TLE3: variants seen among roughly 807,000 people sequenced by gnomAD.
TLE3 encodes transducin-like enhancer protein 3.
Under a neutral mutation model 93.0 loss-of-function variants are expected in TLE3, and 14 were observed. That is an observed-to-expected ratio of 0.15 (90% CI 0.10 to 0.24). The LOEUF (loss-of-function observed/expected upper bound fraction) is 0.24. Ranked by LOEUF, TLE3 falls within the 10% of genes least tolerant of loss-of-function variation. The probability of loss-of-function intolerance (pLI) is 1.00; values close to 1 mark genes in which losing one functional copy is unlikely to be tolerated. For synonymous variants in TLE3, 451 were observed against 425.0 expected, an observed-to-expected ratio of 1.06 and a Z score of -0.75; for missense variants, 693 against 1,046.6, an observed-to-expected ratio of 0.66 and a Z score of 4.66.
At chr15:70,084,846 T>C (rs1185838152) in intron 4 of TLE3, among the ~76,000 whole-genome samples, 1 of 152,224 alleles carries the variant, frequency 6.6e-6, no homozygotes, top group Non-Finnish European at 1.5e-5. Context: ...CCTTGACAAT[T>C]TGGGGACTCT....
intron 4 of TLE3, among the ~76,000 whole-genome samples, chr15:70,089,767 A>G (rs1222483913): frequency 6.6e-6 from 1 of 152,232 alleles, no homozygotes; most frequent in Non-Finnish European, 1.5e-5. Context: ...TGTACAAACA[A>G]TGAGACAGAA....
At chr15:70,088,295 C>A (rs898601477) in intron 4 of TLE3, among the ~76,000 whole-genome samples, 3 of 152,222 alleles carry the variant, frequency 2.0e-5, no homozygotes, top group African/African-American at 7.2e-5. Flanking sequence ...CTGCAAAGGA[C>A]GATGCTTCAA....
chr15:70,060,479 C>A (rs1226905059), intron 9 of TLE3, 51 bp downstream of exon 9: 3 of 1,608,306 alleles, frequency 1.9e-6, no homozygotes, highest in African/African-American at 2.7e-5. Context: ...GCAGACACCC[C>A]CTGCCCTACC....
At position 70,094,047 on chromosome 15, in the gene TLE3, C is replaced by T. The variant is rs992040012; in HGVS notation, c.234+485G>A. Among the ~76,000 whole-genome samples, 8 of 151,892 alleles carry T rather than the reference C, an allele frequency of 5.3e-5. No homozygotes were observed. In the East Asian group the frequency reaches 7.7e-4, roughly 15 times the overall value. ...CATATTTTTAAGCAGTTAGTGGCTT[C>T]GTTCCCTTAAATTTCGACAGCTCAG... On this transcript the variant is annotated intron_variant, in intron 4 of 19. Coordinates refer to ENST00000451782, the MANE Select transcript of TLE3 (RefSeq NM_001105192.3).
Position 70,058,099 on chromosome 15 carries a change from A to G in TLE3, c.1051+60T>C. On this transcript the variant is annotated intron_variant, in intron 12 of 19. Transcript: ENST00000451782. The surrounding 1 kb of genome is among the most constrained non-coding windows in gnomAD (Gnocchi z 4.1). ...CGTGTGTGTCACCCCTGCCCTGGCC[A>G]AGAGCAGACCCCCTCCCCCCAATCA... is the stretch of plus-strand genomic sequence containing the variant. The G allele has an allele frequency of 6.2e-7, 1 of 1,611,474 alleles. No homozygotes were observed. Among genetic ancestry groups the G allele is most frequent in the South Asian group, 1.1e-5 (1 of 90,670 alleles).
Position 70,058,015 on chromosome 15 carries a change from C to G in TLE3, c.1051+144G>C. On this transcript the variant is annotated intron_variant, in intron 12 of 19. Coordinates refer to ENST00000451782, the MANE Select transcript of TLE3 (RefSeq NM_001105192.3). This position sits in a 1 kb window ranked among gnomAD's most constrained non-coding sequence, Gnocchi z 4.1. Reference sequence around the variant, plus strand: ...AAACCCTGGTGTCACCTCCTCAAATCTGACCGTGAAGTCCCCAGGGGCAGG... The same window carrying G: ...AAACCCTGGTGTCACCTCCTCAAATGTGACCGTGAAGTCCCCAGGGGCAGG... The G allele has an allele frequency of 7.5e-7, 1 of 1,336,744 alleles. No homozygotes were observed. The highest frequency in any genetic ancestry group is 1.0e-6 in the Non-Finnish European group (1 of 984,480). 82.8% of individuals were successfully genotyped at this position (1,336,744 alleles called of 1,614,324 possible). A position where few individuals can be genotyped will look rare whatever the true frequency, so the allele number is the denominator to read the frequency against.
chr15:70,049,165 ATAAC>A lies in TLE3; in HGVS notation c.*928_*931del, dbSNP rs769641089. The A allele has an allele frequency of 6.6e-6, 1 of 152,262 alleles. No individual in the cohort carries two copies. The highest frequency in any genetic ancestry group is 1.5e-5 in the Non-Finnish European group (1 of 68,064). 9.4% of individuals were successfully genotyped at this position (152,262 alleles called of 1,614,324 possible). On this transcript the variant is annotated 3_prime_UTR_variant, in exon 20 of 20. Coordinates refer to ENST00000451782, the MANE Select transcript of TLE3 (RefSeq NM_001105192.3). ...CTTTGAACTTCCATTGCTCACAACA[ATAAC>A]TAAGTGTGCACCAAAGAGAAAGACC...
rs1406611048 is a variant in TLE3, at chr15:70,074,595, C to T, written c.310G>A (p.Val104Met). Residue 104 changes from valine to methionine, a missense_variant, in exon 6 of 20, where the codon GTG becomes ATG. Coordinates refer to ENST00000451782, the MANE Select transcript of TLE3 (RefSeq NM_001105192.3). ...TTGGCGCGCTCCACTGCCTGCGCCACCTGCTGCTGGTGCTGGAGGGAAGAG... is the reference window on the plus strand; with the variant it reads ...TTGGCGCGCTCCACTGCCTGCGCCATCTGCTGCTGGTGCTGGAGGGAAGAG... ...PFLSQEHQQQVAQAVERAKQV... is the reference protein window; with the variant it reads ...PFLSQEHQQQMAQAVERAKQV... The T allele has an allele frequency of 6.2e-7, 1 of 1,611,144 alleles. No homozygotes were observed. The highest frequency in any genetic ancestry group is 1.1e-5 in the South Asian group (1 of 90,542).
chr15:70,065,039 C>G (rs924348316), intron 7 of TLE3, among the ~76,000 whole-genome samples: 5 of 152,216 alleles, frequency 3.3e-5, no homozygotes, highest in Admixed American at 2.6e-4. Flanking sequence ...GCACTAGCTC[C>G]CCAGTTCTCC....
intron 4 of TLE3, among the ~76,000 whole-genome samples, chr15:70,082,915 C>A (rs553992977): frequency 4.6e-5 from 7 of 152,290 alleles, no homozygotes; most frequent in Non-Finnish European, 1.0e-4. Context: ...GCACACTTCC[C>A]TGAAAGGAAT....
At position 70,096,272 on chromosome 15, in the gene TLE3, C is replaced by G; in HGVS notation, c.25-11G>C. ...GGGTTGATGGGGAGCCTGGAGCCCGCGAAGACAAGACAGGGGAGGGGGCGG... is the reference window on the plus strand; with the variant it reads ...GGGTTGATGGGGAGCCTGGAGCCCGGGAAGACAAGACAGGGGAGGGGGCGG... On this transcript the variant is annotated splice_polypyrimidine_tract_variant and intron_variant, in intron 1 of 19. Transcript: ENST00000451782. 2 of 1,551,348 alleles carry G rather than the reference C, an allele frequency of 1.3e-6. No individual in the cohort carries two copies. The highest frequency in any genetic ancestry group is 8.7e-7 in the Non-Finnish European group (1 of 1,147,362).
chr15:70,084,291 T>C lies in TLE3; in HGVS notation c.235-8133A>G, dbSNP rs551331113. ...GGGATTCTGGCAATGTCTAGAGACA[T>C]TTTTGGATGTTACAACTTGGGCACT... On this transcript the variant is annotated intron_variant, in intron 4 of 19. Transcript: ENST00000451782. Among the ~76,000 whole-genome samples the C allele has an allele frequency of 2.6e-5, 4 of 152,372 alleles. No individual in the cohort carries two copies. In the South Asian group the frequency reaches 8.3e-4, roughly 32 times the overall value.
chr15:70,086,260 C>T (rs1408972586), intron 4 of TLE3, among the ~76,000 whole-genome samples: 2 of 152,164 alleles, frequency 1.3e-5, no homozygotes, highest in South Asian at 2.1e-4. Flanking sequence ...CACTGAACTG[C>T]CTTCCTCTTC....
rs764145657 is a variant in TLE3, at chr15:70,052,356, G to A, written c.2125+18C>T. 4.3e-6 allele frequency: 7 copies of A among 1,611,592 alleles called. No individual in the cohort carries two copies. The highest frequency in any genetic ancestry group is 5.1e-6 in the Non-Finnish European group (6 of 1,179,260). On this transcript the variant is annotated intron_variant, in intron 18 of 19. Transcript: ENST00000451782. ...TCCCCACCCCACTCCATCAGGCCTG[G>A]GCCCATCCAAGGCTCACCGCAGTAG... is the stretch of plus-strand genomic sequence containing the variant.
At chr15:70,075,285 G>A (rs1314073212) in intron 5 of TLE3, among the ~76,000 whole-genome samples, 1 of 152,176 alleles carries the variant, frequency 6.6e-6, no homozygotes, top group African/African-American at 2.4e-5. Flanking sequence ...GGAGGATATG[G>A]GAAATCTCTG....
chr15:70,080,209 C>T (rs1166912790), intron 4 of TLE3, among the ~76,000 whole-genome samples: 2 of 152,140 alleles, frequency 1.3e-5, no homozygotes, highest in African/African-American at 4.8e-5. Flanking sequence ...TTCCAGAGGC[C>T]GACCTCCATC....
In TLE3 at chr15:70,049,474, C is replaced by T. The variant is rs2055330926; in HGVS notation, c.*623G>A. 6.6e-6 allele frequency: 1 copy of T among 151,120 alleles called. No homozygotes were observed. Among genetic ancestry groups the T allele is most frequent in the African/African-American group, 2.4e-5 (1 of 41,032 alleles). The allele number at this position is 151,120 out of a possible 1,614,324, so 9.4% of individuals were successfully genotyped here. ...TCTCCTCTTTCTTCAATTGGTTCCC[C>T]TCCCTGTCTCCTCTTCCCAGGTGAG... On this transcript the variant is annotated 3_prime_UTR_variant, in exon 20 of 20. Coordinates refer to ENST00000451782, the MANE Select transcript of TLE3 (RefSeq NM_001105192.3).
Position 70,096,905 on chromosome 15 carries a change from C to T in TLE3, c.-107G>A. 1.6e-6 allele frequency: 2 copies of T among 1,268,456 alleles called. No homozygotes were observed. Among genetic ancestry groups the T allele is most frequent in the Non-Finnish European group, 2.2e-6 (2 of 906,048 alleles). The allele number at this position is 1,268,456 out of a possible 1,614,324, so 78.6% of individuals were successfully genotyped here. A position where few individuals can be genotyped will look rare whatever the true frequency, so the allele number is the denominator to read the frequency against. On this transcript the variant is annotated 5_prime_UTR_variant, in exon 1 of 20. Coordinates refer to ENST00000451782, the MANE Select transcript of TLE3 (RefSeq NM_001105192.3). The stretch of plus-strand genomic sequence containing the variant: ...CCCGAGCGGGGGGCGGCCGGGAAAC[C>T]GAGAGCTCGCCCCCGGCCCCCCCAG...
intron 8 of TLE3, among the ~76,000 whole-genome samples, chr15:70,061,943 A>C (rs1019014789): frequency 1.1e-4 from 17 of 152,222 alleles, no homozygotes; most frequent in Non-Finnish European, 2.5e-4. Flanking sequence ...AGGCAAGTGG[A>C]ATGAGGCTTC....
Sources: gnomAD v4.1 joint callset for allele counts (sites outside exome capture counted in the v4.1 genomes callset) on GRCh38, gnomAD v4.1.1 for gene constraint, Gnocchi (gnomAD v3.1) non-coding constraint, MANE v1.5 for transcripts, NCBI Gene and HGNC (gene_info 2026-07-23, HGNC 2026-07-21) for gene names.